KIRREL3: variants seen among roughly 807,000 people sequenced by gnomAD.
The protein encoded by KIRREL3 is kin of IRRE-like protein 3.
A neutral mutation model predicts 89.7 loss-of-function variants in KIRREL3; 36 were observed. The observed-to-expected ratio is 0.40, with a 90% CI of 0.31 to 0.53. The LOEUF is 0.53. KIRREL3 is among the 20% of genes least tolerant of loss of function. The pLI is 0.49. For missense variants in KIRREL3, 864 were observed against 1,056.6 expected, an observed-to-expected ratio of 0.82 and a Z score of 2.53; for synonymous variants, 445 against 441.4, an observed-to-expected ratio of 1.01 and a Z score of -0.10.
At chr11:126,819,591 A>C (rs1186055710) in intron 1 of KIRREL3, among the ~76,000 whole-genome samples, 1 of 152,236 alleles carries the variant, frequency 6.6e-6, no homozygotes, top group Non-Finnish European at 1.5e-5. Flanking sequence ...CTTCGCAGGT[A>C]CGATGGCATT....
At chr11:126,667,653 T>C (rs544082351) in intron 1 of KIRREL3, among the ~76,000 whole-genome samples, 25 of 152,298 alleles carry the variant, frequency 1.6e-4, no homozygotes, top group Middle Eastern at 6.8e-3. Flanking sequence ...TCAACTCATG[T>C]CGGCTTAGTT....
At chr11:126,673,664 C>A (rs117780024) in intron 1 of KIRREL3, among the ~76,000 whole-genome samples, 1 of 152,200 alleles carries the variant, frequency 6.6e-6, no homozygotes, top group African/African-American at 2.4e-5. Flanking sequence ...ACACGTGTGC[C>A]TTCCATGGGA....
At position 126,490,780 on chromosome 11, in the gene KIRREL3, T is replaced by A. The variant is rs1957490165; in HGVS notation, c.434-17314A>T. ...CGTCTCCCAAAGAATGGGTCTGCCTTCTTCATCTCTTGCGAGTCTGGGACT... is the reference window on the plus strand; with the variant it reads ...CGTCTCCCAAAGAATGGGTCTGCCTACTTCATCTCTTGCGAGTCTGGGACT... On this transcript the variant is annotated intron_variant, in intron 4 of 16. Coordinates refer to ENST00000525144, the MANE Select transcript of KIRREL3 (RefSeq NM_032531.4). This position sits in a 1 kb window ranked among gnomAD's most constrained non-coding sequence, Gnocchi z 4.2. Among the ~76,000 whole-genome samples, 1 of 152,134 alleles carries A rather than the reference T, an allele frequency of 6.6e-6. No homozygotes were observed. Among genetic ancestry groups the A allele is most frequent in the South Asian group, 2.1e-4 (1 of 4,828 alleles).
chr11:126,730,712 G>A (rs1369157038), intron 1 of KIRREL3, among the ~76,000 whole-genome samples: 1 of 152,104 alleles, frequency 6.6e-6, no homozygotes, highest in Non-Finnish European at 1.5e-5. Flanking sequence ...AAGAAAACCT[G>A]GCTTACAACA....
rs759401946 is a variant in KIRREL3, at chr11:126,563,896, G to A, written c.56-984C>T. On this transcript the variant is annotated intron_variant, in intron 1 of 16. Coordinates refer to ENST00000525144, the MANE Select transcript of KIRREL3 (RefSeq NM_032531.4). This position sits in a 1 kb window ranked among gnomAD's most constrained non-coding sequence, Gnocchi z 6.8. The stretch of plus-strand genomic sequence containing the variant: ...CTACCCCCAAACAACTCACTGAGGT[G>A]GGCATATGGGCCACTGCAACTGACA... Among the ~76,000 whole-genome samples, 1 of 152,070 alleles carries A rather than the reference G, an allele frequency of 6.6e-6. No individual in the cohort carries two copies. The highest frequency in any genetic ancestry group is 2.4e-5 in the African/African-American group (1 of 41,402).
Position 126,477,399 on chromosome 11 carries a change from TCTG to T in KIRREL3, c.434-3936_434-3934del, listed in dbSNP as rs1957096732. ...GAGCCCCCAAAAGCTTTCCCCAAGT[TCTG>T]CTGCCAAAGACAATGGGGTCTCGGG... is the stretch of plus-strand genomic sequence containing the variant. On this transcript the variant is annotated intron_variant, in intron 4 of 16. Transcript: ENST00000525144. The surrounding 1 kb of genome is among the most constrained non-coding windows in gnomAD (Gnocchi z 4.8). 2.6e-5 allele frequency among the ~76,000 whole-genome samples: 4 copies of T among 152,076 alleles called. No individual in the cohort carries two copies. The South Asian group carries it at 8.3e-4, about 32-fold the overall frequency.
At chr11:126,949,417 G>A (rs922308462) in intron 1 of KIRREL3, among the ~76,000 whole-genome samples, 9 of 152,180 alleles carry the variant, frequency 5.9e-5, no homozygotes, top group African/African-American at 1.9e-4. Context: ...ATCCTTTCCA[G>A]TTCTGAAATG....
intron 1 of KIRREL3, among the ~76,000 whole-genome samples, chr11:126,799,927 G>C (rs1950979514): frequency 6.6e-6 from 1 of 152,172 alleles, no homozygotes; most frequent in South Asian, 2.1e-4. Flanking sequence ...GAAGGCATCA[G>C]TAAGTGGTCT....
In KIRREL3 at chr11:126,441,797, G is replaced by A. The variant is rs553172599; in HGVS notation, c.1253-1248C>T. ...TGAGTTTGAGAAGGCAAAAGGGCTC[G>A]GGGCAGCGTGAGGTGGGCGTGGGGG... On this transcript the variant is annotated intron_variant, in intron 10 of 16. Coordinates refer to ENST00000525144, the MANE Select transcript of KIRREL3 (RefSeq NM_032531.4). The surrounding 1 kb of genome is among the most constrained non-coding windows in gnomAD (Gnocchi z 5.0). Among the ~76,000 whole-genome samples, 52 of 152,236 alleles carry A rather than the reference G, an allele frequency of 3.4e-4. No individual in the cohort carries two copies. Among genetic ancestry groups the A allele is most frequent in the African/African-American group, 8.7e-4 (36 of 41,544 alleles).
intron 1 of KIRREL3, among the ~76,000 whole-genome samples, chr11:126,727,958 A>T (rs1037503113): frequency 6.6e-6 from 1 of 152,012 alleles, no homozygotes; most frequent in Non-Finnish European, 1.5e-5. Context: ...GGCTTGAAGT[A>T]GGGCTGTCTC....
intron 4 of KIRREL3, among the ~76,000 whole-genome samples, chr11:126,478,482 T>G (rs1957126714): frequency 6.6e-6 from 1 of 152,302 alleles, no homozygotes. Flanking sequence ...GGGCTTTGGC[T>G]TCTGAGGTCA....
At chr11:126,675,434 A>G (rs1183799338) in intron 1 of KIRREL3, among the ~76,000 whole-genome samples, 1 of 152,228 alleles carries the variant, frequency 6.6e-6, no homozygotes, top group Non-Finnish European at 1.5e-5. Flanking sequence ...AACATTTAGC[A>G]TTGGCTTACC....
At position 126,490,354 on chromosome 11, in the gene KIRREL3, T is replaced by C. The variant is rs930104742; in HGVS notation, c.434-16888A>G. On this transcript the variant is annotated intron_variant, in intron 4 of 16. Transcript: ENST00000525144. The surrounding 1 kb of genome is among the most constrained non-coding windows in gnomAD (Gnocchi z 4.2). ...AGAGGTGAGCAGAGCTTTCTCCCCA[T>C]GAAGTATTCTTCAGCCTGGCCCTGT... Among the ~76,000 whole-genome samples the C allele has an allele frequency of 1.3e-5, 2 of 152,046 alleles. No homozygotes were observed. The highest frequency in any genetic ancestry group is 4.8e-5 in the African/African-American group (2 of 41,406).
chr11:126,455,783 C>T lies in KIRREL3; in HGVS notation c.848+566G>A, dbSNP rs1336595491. Among the ~76,000 whole-genome samples, 2 of 152,138 alleles carry T rather than the reference C, an allele frequency of 1.3e-5. No homozygotes were observed. The highest frequency in any genetic ancestry group is 2.4e-5 in the African/African-American group (1 of 41,512). On this transcript the variant is annotated intron_variant, in intron 7 of 16. Transcript: ENST00000525144. The surrounding 1 kb of genome is among the most constrained non-coding windows in gnomAD (Gnocchi z 6.4). ...CTGCACTCCAGCCTGGGTGACAGAG[C>T]GAGACTCTGTCTCAAAACAAACAAA...
chr11:126,604,357 C>T (rs1417841505), intron 1 of KIRREL3, among the ~76,000 whole-genome samples: 1 of 152,220 alleles, frequency 6.6e-6, no homozygotes, highest in Non-Finnish European at 1.5e-5. Context: ...ATACTGGCTG[C>T]ATTGCATTTT....
rs149841338 is a variant in KIRREL3, at chr11:126,742,077, C to T, written c.56-179165G>A. Among the ~76,000 whole-genome samples, 78 of 152,332 alleles carry T rather than the reference C, an allele frequency of 5.1e-4. No homozygotes were observed. The highest frequency in any genetic ancestry group is 1.7e-3 in the African/African-American group (72 of 41,574). On this transcript the variant is annotated intron_variant, in intron 1 of 16. Transcript: ENST00000525144. This position sits in a 1 kb window ranked among gnomAD's most constrained non-coding sequence, Gnocchi z 5.3. ...GAACACATGTGAAACTCTATTTACA[C>T]CAAGCTTTAAATTGAACTTCCCATT...
chr11:126,841,836 CTACCCAATAGTTGGTTTTT>C (rs1342674471), intron 1 of KIRREL3, among the ~76,000 whole-genome samples: 1 of 152,206 alleles, frequency 6.6e-6, no homozygotes, highest in Non-Finnish European at 1.5e-5. Flanking sequence ...TCATGCTCAC[CTACCCAATAGTTGGTTTTT>C]TCCTACTTAA....
intron 1 of KIRREL3, among the ~76,000 whole-genome samples, chr11:126,966,444 T>G (rs1272689610): frequency 2.6e-5 from 4 of 152,200 alleles, no homozygotes; most frequent in Non-Finnish European, 5.9e-5. Context: ...CCACTCAAGC[T>G]GTCAGTTTCT....
At chr11:126,693,862 C>T (rs1946980832) in intron 1 of KIRREL3, among the ~76,000 whole-genome samples, 1 of 152,206 alleles carries the variant, frequency 6.6e-6, no homozygotes, top group African/African-American at 2.4e-5. Context: ...CTAGATACAC[C>T]TTTTTAAAAC....
Sources: gnomAD v4.1 joint callset for allele counts (sites outside exome capture counted in the v4.1 genomes callset) on GRCh38, gnomAD v4.1.1 for gene constraint, Gnocchi (gnomAD v3.1) non-coding constraint, MANE v1.5 for transcripts, NCBI Gene and HGNC (gene_info 2026-07-23, HGNC 2026-07-21) for gene names.